MRPL22: variants seen among roughly 807,000 people sequenced by gnomAD.
MRPL22 encodes the protein mitochondrial ribosomal protein L22.
A neutral mutation model predicts 32.4 loss-of-function variants in MRPL22; 27 were observed. That is an observed-to-expected ratio of 0.83 (90% CI 0.61 to 1.15). The LOEUF is 1.15. Among genes scored for constraint, MRPL22 ranks in the 50% most tolerant of loss-of-function variants. The probability of loss-of-function intolerance (pLI) is 0.00; values close to 1 mark genes in which losing one functional copy is unlikely to be tolerated. For missense variants in MRPL22, 239 were observed against 260.2 expected, an observed-to-expected ratio of 0.92 and a Z score of 0.56; for synonymous variants, 86 against 87.3, an observed-to-expected ratio of 0.99 and a Z score of 0.08.
intron 6 of MRPL22, among the ~76,000 whole-genome samples, chr5:154,962,268 G>A (rs892674151): frequency 2.6e-5 from 4 of 152,120 alleles, no homozygotes; most frequent in African/African-American, 4.8e-5. Flanking sequence ...TTAAAATATA[G>A]ATTCCCAGGC....
intron 3 of MRPL22, 68 bp downstream of exon 3, chr5:154,951,006 A>T: frequency 9.8e-7 from 1 of 1,018,234 alleles, no homozygotes. Context: ...ATTAGTAATG[A>T]TTTATTATTC....
chr5:154,966,606 G>A, intron 6 of MRPL22, 80 bp from the exon 7 acceptor site: 2 of 1,460,682 alleles, frequency 1.4e-6, no homozygotes, highest in South Asian at 2.4e-5. Flanking sequence ...ATCCAGTCAA[G>A]GAAAGGACAG....
chr5:154,965,370 A>G (rs189285628), intron 6 of MRPL22, among the ~76,000 whole-genome samples: 18 of 152,016 alleles, frequency 1.2e-4, no homozygotes, highest in Non-Finnish European at 4.4e-5. Flanking sequence ...TAGAAGGTAG[A>G]TGGCTACTAC....
chr5:154,954,207 C>G (rs1764602553), intron 3 of MRPL22, among the ~76,000 whole-genome samples: 1 of 152,036 alleles, frequency 6.6e-6, no homozygotes, highest in Non-Finnish European at 1.5e-5. Flanking sequence ...CCAGGCTGGT[C>G]TCAAACTCCG....
At chr5:154,945,503 C>T (rs367706867) in intron 2 of MRPL22, among the ~76,000 whole-genome samples, 6 of 152,140 alleles carry the variant, frequency 3.9e-5, no homozygotes, top group Admixed American at 2.0e-4. Flanking sequence ...GTTCAGGGAA[C>T]GGATGTACAT....
chr5:154,959,921 C>A (rs557950945), intron 5 of MRPL22, 59 bp from the exon 6 acceptor site: 2 of 1,242,886 alleles, frequency 1.6e-6, no homozygotes, highest in East Asian at 2.3e-5. Context: ...AGATGAGAAA[C>A]TTAATTCCAT....
Position 154,941,082 on chromosome 5 carries a change from C to A in MRPL22, c.-29C>A. On this transcript the variant is annotated 5_prime_UTR_variant, in exon 1 of 7. Coordinates refer to ENST00000523037, the MANE Select transcript of MRPL22 (RefSeq NM_014180.4). ...GTGCTGTCCAGAAGGCGCTTGAACT[C>A]GGCGGCTTCCGTAGCGGGAGGGCGA... 6.2e-7 allele frequency: 1 copy of A among 1,613,142 alleles called. No individual in the cohort carries two copies. Among genetic ancestry groups the A allele is most frequent in the Non-Finnish European group, 8.5e-7 (1 of 1,179,896 alleles).
chr5:154,953,055 G>T (rs1764584018), intron 3 of MRPL22, among the ~76,000 whole-genome samples: 1 of 151,974 alleles, frequency 6.6e-6, no homozygotes, highest in Non-Finnish European at 1.5e-5. Flanking sequence ...TCTTATATGG[G>T]GCTTCATATG....
Position 154,941,381 on chromosome 5 carries a change from G to T in MRPL22, c.77+116G>T, listed in dbSNP as rs1764413214. On this transcript the variant is annotated intron_variant, in intron 2 of 6. Coordinates refer to ENST00000523037, the MANE Select transcript of MRPL22 (RefSeq NM_014180.4). ...TTTTAGGCTCTGGGGTTACTGAGGC[G>T]AATGAGACAGCCCGAGTCTCTGCTT... 4.0e-6 allele frequency: 5 copies of T among 1,251,060 alleles called. No individual in the cohort carries two copies. In the South Asian group the frequency reaches 4.2e-5, roughly 10 times the overall value. The allele number at this position is 1,251,060 out of a possible 1,614,324, so 77.5% of individuals were successfully genotyped here.
At chr5:154,950,259 C>T (rs958933127) in intron 2 of MRPL22, among the ~76,000 whole-genome samples, 4 of 152,266 alleles carry the variant, frequency 2.6e-5, no homozygotes, top group South Asian at 2.1e-4. Flanking sequence ...TAATCACCTC[C>T]CACCAGGTCC....
rs1326723114 is a variant in MRPL22 at position 154,950,915 on chromosome 5, C to T, written c.172C>T (p.Pro58Ser). ...KNKIVYPPQL[P>S]GEPRRPAEIY... Reference sequence around the variant, plus strand: ...TAAAATTGTTTATCCTCCACAACTGCCTGGAGAACCTCGGAGACCAGCAGT... The same window carrying T: ...TAAAATTGTTTATCCTCCACAACTGTCTGGAGAACCTCGGAGACCAGCAGT... Residue 58 changes from proline to serine, a missense_variant, in exon 3 of 7, where the codon CCT (proline) becomes TCT (serine). By Grantham distance (74) the Pro-to-Ser change is moderately conservative (BLOSUM62 -1). Coordinates refer to ENST00000523037, the MANE Select transcript of MRPL22 (RefSeq NM_014180.4). 1 of 1,611,580 alleles carries T rather than the reference C, an allele frequency of 6.2e-7. No individual in the cohort carries two copies. Among genetic ancestry groups the T allele is most frequent in the South Asian group, 1.1e-5 (1 of 90,984 alleles).
intron 2 of MRPL22, among the ~76,000 whole-genome samples, chr5:154,945,809 A>G (rs1031228678): frequency 6.6e-6 from 1 of 152,152 alleles, no homozygotes; most frequent in African/African-American, 2.4e-5. Context: ...TAGAATTAGA[A>G]TTTGTCTGTA....
intron 3 of MRPL22, among the ~76,000 whole-genome samples, chr5:154,954,453 T>C (rs941803417): frequency 1.2e-4 from 18 of 152,250 alleles, no homozygotes; most frequent in African/African-American, 4.1e-4. Flanking sequence ...CTTTATCTAA[T>C]TTGCTGTATA....
intron 2 of MRPL22, among the ~76,000 whole-genome samples, chr5:154,941,813 GC>G (rs1474966775): frequency 6.6e-6 from 1 of 152,194 alleles, no homozygotes; most frequent in Non-Finnish European, 1.5e-5. Flanking sequence ...GCATTCTGTA[GC>G]CTTAGGACAA....
chr5:154,948,111 C>T (rs773724491), intron 2 of MRPL22, among the ~76,000 whole-genome samples: 1 of 152,070 alleles, frequency 6.6e-6, no homozygotes, highest in Non-Finnish European at 1.5e-5. Context: ...TGGATATGCC[C>T]AGACATATAC....
intron 2 of MRPL22, among the ~76,000 whole-genome samples, chr5:154,947,978 G>A (rs1274397203): frequency 6.6e-6 from 1 of 152,184 alleles, no homozygotes; most frequent in African/African-American, 2.4e-5. Context: ...CATCTATGTG[G>A]CTAGGCTATA....
At position 154,967,897 on chromosome 5, in the gene MRPL22, TC is replaced by T. The variant is rs1764789987; in HGVS notation, c.*1002del. On this transcript the variant is annotated 3_prime_UTR_variant, in exon 7 of 7. Coordinates refer to ENST00000523037, the MANE Select transcript of MRPL22 (RefSeq NM_014180.4). The surrounding 1 kb of genome is among the most constrained non-coding windows in gnomAD (Gnocchi z 4.7). ...GAAATCTATGTTTTAAACAAACACTTCCAGGTAATTCTGTTGTAGGGGACTA... is the reference window on the plus strand; with the variant it reads ...GAAATCTATGTTTTAAACAAACACTTCAGGTAATTCTGTTGTAGGGGACTA... 2.0e-5 allele frequency: 3 copies of T among 152,216 alleles called. No homozygotes were observed. The highest frequency in any genetic ancestry group is 2.4e-5 in the African/African-American group (1 of 41,450). 9.4% of individuals were successfully genotyped at this position (152,216 alleles called of 1,614,324 possible).
Position 154,964,761 on chromosome 5 carries a change from G to A in MRPL22, c.410-1925G>A, listed in dbSNP as rs1764744805. ...TGGGGGAGATAGAAGGGAAATGGGA[G>A]CCGACGTAGACCGTGATGGGGTTGA... On this transcript the variant is annotated intron_variant, in intron 6 of 6. Coordinates refer to ENST00000523037, the MANE Select transcript of MRPL22 (RefSeq NM_014180.4). Among the ~76,000 whole-genome samples the A allele has an allele frequency of 2.6e-5, 4 of 152,116 alleles. No individual in the cohort carries two copies. The South Asian group carries it at 8.3e-4, about 32-fold the overall frequency.
intron 2 of MRPL22, among the ~76,000 whole-genome samples, chr5:154,942,621 A>G (rs1176928743): frequency 6.6e-6 from 1 of 152,180 alleles, no homozygotes; most frequent in Non-Finnish European, 1.5e-5. Context: ...AGTCCTACCC[A>G]TTATTCAAAC....
Sources: gnomAD v4.1 joint callset for allele counts (sites outside exome capture counted in the v4.1 genomes callset) on GRCh38, gnomAD v4.1.1 for gene constraint, Gnocchi (gnomAD v3.1) non-coding constraint, MANE v1.5 for transcripts, NCBI Gene and HGNC (gene_info 2026-07-23, HGNC 2026-07-21) for gene names.